Variants in ITGB1 observed in about 807,000 individuals in gnomAD.
The protein encoded by ITGB1 is integrin beta-1.
In ITGB1, 24 loss-of-function variants were observed where a neutral mutation model predicts 86.5. The observed-to-expected ratio is 0.28, with a 90% CI of 0.20 to 0.39. The LOEUF (loss-of-function observed/expected upper bound fraction) is 0.39, where lower values mean the gene tolerates loss of function less well. Among genes scored for constraint, ITGB1 ranks in the 10% least tolerant of loss-of-function variants. The pLI is 1.00. For synonymous variants in ITGB1, 323 were observed against 316.8 expected (o/e 1.02, Z -0.21); for missense variants, 556 against 946.9 (o/e 0.59, Z 5.42).
chr10:32,927,433 G>A (rs970155219), intron 5 of ITGB1, among the ~76,000 whole-genome samples: 2 of 152,086 alleles, frequency 1.3e-5, no homozygotes, highest in African/African-American at 4.8e-5. Flanking sequence ...CAGGCTGTAC[G>A]GGCAGGTGCA....
At chr10:32,947,467 G>GTGTGTGTGTGTGTGTGTGTGTGTGTA in intron 1 of ITGB1, among the ~76,000 whole-genome samples, 1 of 151,378 alleles carries the variant, frequency 6.6e-6, no homozygotes, top group Non-Finnish European at 1.5e-5. Context: ...GTGTGTGTGT[G>GTGTGTGTGTGTGTGTGTGTGTGTGTA]TACGTACATA....
Position 32,915,547 on chromosome 10 carries a change from T to C in ITGB1, c.1470-3423A>G, listed in dbSNP as rs190921594. 5.3e-5 allele frequency among the ~76,000 whole-genome samples: 8 copies of C among 152,158 alleles called. No homozygotes were observed. In the East Asian group the frequency reaches 1.5e-3, roughly 29 times the overall value. On this transcript the variant is annotated intron_variant, in intron 11 of 15. Coordinates refer to ENST00000302278, the MANE Select transcript of ITGB1 (RefSeq NM_002211.4). ...AATACTATAAACACCACTATGCAAA[T>C]TAACTGGAAAATCTAGAAGAAATGG...
At chr10:32,942,684 T>TC (rs34512087) in intron 1 of ITGB1, among the ~76,000 whole-genome samples, 5,717 of 52,402 alleles carry the variant, frequency 0.11, 131 homozygotes, top group Non-Finnish European at 0.3. Context: ...TCTCTCTCTC[T>TC]TTTTTTTTTT....
At chr10:32,923,867 T>A in intron 6 of ITGB1, 127 bp from the exon 7 acceptor site, 1 of 743,338 alleles carries the variant, frequency 1.3e-6, no homozygotes, top group South Asian at 2.0e-5. Context: ...CTTCTCTTTA[T>A]ACAATGGTAA....
chr10:32,936,432 AAAAG>A (rs1310373787), intron 1 of ITGB1, among the ~76,000 whole-genome samples: 3 of 152,142 alleles, frequency 2.0e-5, no homozygotes, highest in African/African-American at 7.2e-5. Flanking sequence ...ATCTCAAAAA[AAAAG>A]AAAGAAAAGA....
chr10:32,909,557 C>T (rs1041269297), intron 14 of ITGB1, among the ~76,000 whole-genome samples: 9 of 152,236 alleles, frequency 5.9e-5, no homozygotes, highest in East Asian at 1.9e-4. Context: ...GAGACACAGG[C>T]TGGGAGACAA....
chr10:32,904,202 G>C (rs1008708754), intron 15 of ITGB1, among the ~76,000 whole-genome samples: 2 of 152,106 alleles, frequency 1.3e-5, no homozygotes, highest in Non-Finnish European at 2.9e-5. Flanking sequence ...CTCACTATCT[G>C]TATTAGGCAT....
intron 6 of ITGB1, among the ~76,000 whole-genome samples, chr10:32,925,543 G>C (rs1365142757): frequency 6.6e-6 from 1 of 152,184 alleles, no homozygotes; most frequent in Non-Finnish European, 1.5e-5. Context: ...TACAAAGCCA[G>C]AAAGTTAGGA....
At position 32,910,201 on chromosome 10, in the gene ITGB1, T is replaced by G. The variant is rs202134034; in HGVS notation, c.2164+22A>C. 199 of 1,524,176 alleles carry G rather than the reference T, an allele frequency of 1.3e-4. No individual in the cohort carries two copies. In the South Asian group the frequency reaches 2.1e-3, roughly 16 times the overall value. 94.4% of individuals were successfully genotyped at this position (1,524,176 alleles called of 1,614,324 possible). On this transcript the variant is annotated intron_variant, in intron 14 of 15. Coordinates refer to ENST00000302278, the MANE Select transcript of ITGB1 (RefSeq NM_002211.4). ...AGACATACAAGATATGAAAAGAATG[T>G]CTGCAATCATCGCATTTCTACCTGG... is the stretch of plus-strand genomic sequence containing the variant.
At chr10:32,918,568 A>G (rs545259423) in intron 11 of ITGB1, among the ~76,000 whole-genome samples, 1 of 152,286 alleles carries the variant, frequency 6.6e-6, no homozygotes, top group East Asian at 1.9e-4. Context: ...TCAAGTTCAT[A>G]TGGAATATAT....
intron 2 of ITGB1, 135 bp downstream of exon 2, chr10:32,935,357 G>A (rs2094997821): frequency 3.3e-6 from 2 of 610,308 alleles, no homozygotes; most frequent in South Asian, 2.1e-5. Flanking sequence ...CTTTCTCTGA[G>A]TAAGAGGAAC....
intron 1 of ITGB1, among the ~76,000 whole-genome samples, chr10:32,937,577 A>C (rs2095006835): frequency 6.7e-6 from 1 of 150,346 alleles, no homozygotes; most frequent in Non-Finnish European, 1.5e-5. Flanking sequence ...AAAAAAAAAA[A>C]AGAGTTACAA....
rs117401444 is a variant in ITGB1, at chr10:32,930,437, G to A, written c.154-393C>T. Among the ~76,000 whole-genome samples, 1,172 of 152,140 alleles carry A rather than the reference G, an allele frequency of 7.7e-3. 7 individuals carry two copies. The highest frequency in any genetic ancestry group is 0.024 in the Middle Eastern group (7 of 294). On this transcript the variant is annotated intron_variant, in intron 3 of 15. Transcript: ENST00000302278. ...TCCCTTTGAAAAGTCCTTACAAAGC[G>A]TCTCATATTATGTGGCACTCTCCCC...
intron 1 of ITGB1, among the ~76,000 whole-genome samples, chr10:32,951,368 T>G (rs1046128325): frequency 6.6e-6 from 1 of 151,462 alleles, no homozygotes; most frequent in Non-Finnish European, 1.5e-5. Flanking sequence ...AGAAACGTTG[T>G]CTAATGGTGA....
At chr10:32,908,343 G>A (rs1377823390) in intron 15 of ITGB1, 25 bp downstream of exon 15, 10 of 1,609,660 alleles carry the variant, frequency 6.2e-6, no homozygotes, top group Non-Finnish European at 8.5e-6. Context: ...AAGCCACTTT[G>A]CTTTTTGGAT....
At chr10:32,912,181 C>A in intron 11 of ITGB1, 57 bp from the exon 12 acceptor site, 1 of 1,419,780 alleles carries the variant, frequency 7.0e-7, no homozygotes, top group Non-Finnish European at 9.8e-7. Context: ...TAAGAGGTTC[C>A]AAGATGGCCA....
rs1275098280 is a variant in ITGB1 at position 32,919,921 on chromosome 10, T to C, written c.1433A>G (p.His478Arg). The C allele has an allele frequency of 3.1e-6, 5 of 1,614,040 alleles. No homozygotes were observed. Among genetic ancestry groups the C allele is most frequent in the South Asian group, 1.1e-5 (1 of 91,086 alleles). Residue 478 changes from histidine (H) to arginine (R), a missense_variant, in exon 11 of 16, where the codon CAT (histidine) becomes CGT (arginine). Around this residue, in one of 4 missense-constraint regions of ITGB1, gnomAD observed 330 missense variants for 531.5 expected, o/e 0.62. Transcript: ENST00000302278. ...SEGIPESPKCHEGNGTFECGA... is the reference protein window; with the variant it reads ...SEGIPESPKCREGNGTFECGA... ...ACACTCAAATGTCCCATTTCCTTCA[T>C]GACACTTGGGACTTTCAGGGATGCC...
Position 32,937,711 on chromosome 10 carries a change from T to TTA in ITGB1, c.1-2155_1-2154dup, listed in dbSNP as rs139964610. 6.4e-3 allele frequency among the ~76,000 whole-genome samples: 978 copies of TTA among 151,914 alleles called. 8 individuals are homozygous for TTA. Among genetic ancestry groups the TTA allele is most frequent in the African/African-American group, 0.022 (932 of 41,436 alleles). ...CATATAATCTGAAGATAACAAAGAG[T>TTA]TATATGCACAATATAAAGACAATGA... On this transcript the variant is annotated intron_variant, in intron 1 of 15. Transcript: ENST00000302278.
intron 1 of ITGB1, among the ~76,000 whole-genome samples, chr10:32,951,910 T>C (rs1416805452): frequency 3.3e-5 from 5 of 152,326 alleles, no homozygotes; most frequent in African/African-American, 1.2e-4. Context: ...TTCCCCGTAA[T>C]TTCAATTAAG....
Sources: allele counts gnomAD v4.1 joint callset (sites outside exome capture counted in the v4.1 genomes callset), GRCh38; gene constraint gnomAD v4.1.1; regional missense constraint gnomAD v4.1.1; transcripts MANE v1.5; gene names NCBI Gene and HGNC (gene_info 2026-07-23, HGNC 2026-07-21).